The following LRRC4C variants were observed in gnomAD, a reference collection of about 807,000 sequenced individuals.
LRRC4C encodes leucine rich repeat containing 4C.
LRRC4C carries 5 observed loss-of-function variants against 33.6 expected under a neutral mutation model. That is an observed-to-expected ratio of 0.15 (90% CI 0.08 to 0.31). The LOEUF (loss-of-function observed/expected upper bound fraction) is 0.31. LRRC4C is among the 10% of genes least tolerant of loss of function. The probability of loss-of-function intolerance (pLI) is 1.00; values close to 1 mark genes in which losing one functional copy is unlikely to be tolerated. For synonymous variants in LRRC4C, 329 were observed against 302.0 expected, an observed-to-expected ratio of 1.09 and a Z score of -0.93; for missense variants, 560 against 796.7, an observed-to-expected ratio of 0.70 and a Z score of 3.58.
intron 2 of LRRC4C, among the ~76,000 whole-genome samples, chr11:40,897,060 T>C (rs565558934): frequency 5.2e-4 from 79 of 152,314 alleles, no homozygotes; most frequent in African/African-American, 1.8e-3. Flanking sequence ...AATATGTATG[T>C]TTATAACAAA....
chr11:41,182,917 G>A lies in LRRC4C; in HGVS notation c.-495-249194C>T, dbSNP rs561197708. 1.2e-4 allele frequency among the ~76,000 whole-genome samples: 18 copies of A among 151,802 alleles called. No individual in the cohort carries two copies. In the South Asian group the frequency reaches 3.6e-3, roughly 30 times the overall value. ...CTGGGGAGGCCTCACAATCATGGGG[G>A]AAGGCAAGGAGGAGCAAATCACATC... On this transcript the variant is annotated intron_variant, in intron 1 of 6. Coordinates refer to ENST00000528697, the MANE Select transcript of LRRC4C (RefSeq NM_001258419.2).
intron 1 of LRRC4C, among the ~76,000 whole-genome samples, chr11:40,963,509 T>G (rs1592201830): frequency 6.6e-6 from 1 of 151,726 alleles, no homozygotes; most frequent in Admixed American, 6.6e-5. Flanking sequence ...AGCTTTGAAT[T>G]TCAACAACAA....
chr11:40,295,308 AT>A (rs1944454281), intron 4 of LRRC4C, among the ~76,000 whole-genome samples: 1 of 152,150 alleles, frequency 6.6e-6, no homozygotes, highest in African/African-American at 2.4e-5. Flanking sequence ...AGGAATGATA[AT>A]TTAAACAGTA....
chr11:40,682,895 A>T (rs968040584), intron 2 of LRRC4C, among the ~76,000 whole-genome samples: 8 of 152,224 alleles, frequency 5.3e-5, no homozygotes, highest in Non-Finnish European at 7.3e-5. Flanking sequence ...TCTAGATAGG[A>T]TGGAGAATTA....
At chr11:40,149,609 T>G (rs1268033206) in intron 5 of LRRC4C, among the ~76,000 whole-genome samples, 1 of 152,188 alleles carries the variant, frequency 6.6e-6, no homozygotes, top group Non-Finnish European at 1.5e-5. Flanking sequence ...GCTTTCCAGA[T>G]ACAGGATCAT....
intron 3 of LRRC4C, among the ~76,000 whole-genome samples, chr11:40,339,041 C>A (rs1056858212): frequency 2.0e-5 from 3 of 152,144 alleles, no homozygotes; most frequent in East Asian, 1.9e-4. Flanking sequence ...GTTTTCACAC[C>A]TTTTCCTCCT....
rs117456445 is a variant in LRRC4C at position 40,607,132 on chromosome 11, G to A, written c.-270+41010C>T. On this transcript the variant is annotated intron_variant, in intron 3 of 6. Transcript: ENST00000528697. ...CAAATCATCCTTCAAAAATGAAGGC[G>A]AAATACGATTTTCCCATGTAAACAA... Among the ~76,000 whole-genome samples the A allele has an allele frequency of 5.5e-3, 831 of 152,220 alleles. 2 individuals carry two copies. The highest frequency in any genetic ancestry group is 8.3e-3 in the Non-Finnish European group (565 of 67,998).
chr11:40,194,579 A>G (rs1046904172), intron 5 of LRRC4C, among the ~76,000 whole-genome samples: 2 of 149,476 alleles, frequency 1.3e-5, no homozygotes, highest in Admixed American at 6.7e-5. Flanking sequence ...ATGAGAACAT[A>G]TGGGCACAGT....
At chr11:40,711,599 G>A (rs1358420128) in intron 2 of LRRC4C, among the ~76,000 whole-genome samples, 2 of 151,910 alleles carry the variant, frequency 1.3e-5, no homozygotes, top group African/African-American at 4.8e-5. Flanking sequence ...GGATATAAAA[G>A]TGAATAGTTT....
At chr11:40,744,404 A>G (rs1948314753) in intron 2 of LRRC4C, among the ~76,000 whole-genome samples, 1 of 152,206 alleles carries the variant, frequency 6.6e-6, no homozygotes. Context: ...AGGCAGATGC[A>G]ACAGTAAATG....
At chr11:40,521,387 T>C (rs1157908780) in intron 3 of LRRC4C, among the ~76,000 whole-genome samples, 2 of 152,200 alleles carry the variant, frequency 1.3e-5, no homozygotes, top group Admixed American at 1.3e-4. Context: ...TTTATAGCAA[T>C]CAGCTTTTTT....
intron 5 of LRRC4C, among the ~76,000 whole-genome samples, chr11:40,219,920 A>C (rs1864279967): frequency 1.3e-5 from 2 of 152,228 alleles, no homozygotes; most frequent in Admixed American, 1.3e-4. Context: ...ATGGGTAACT[A>C]TGTGAGCTAA....
At chr11:40,973,757 G>T (rs563504314) in intron 1 of LRRC4C, among the ~76,000 whole-genome samples, 1 of 152,026 alleles carries the variant, frequency 6.6e-6, no homozygotes, top group Admixed American at 6.6e-5. Flanking sequence ...TAACTAGACT[G>T]GTTTTTAATT....
intron 1 of LRRC4C, among the ~76,000 whole-genome samples, chr11:41,100,718 G>A (rs895871532): frequency 1.6e-4 from 24 of 152,036 alleles, no homozygotes; most frequent in African/African-American, 5.6e-4. Context: ...AACCAAAAAG[G>A]AGCATGAATA....
chr11:41,251,608 T>G (rs1412348703), intron 1 of LRRC4C, among the ~76,000 whole-genome samples: 1 of 152,208 alleles, frequency 6.6e-6, no homozygotes, highest in Non-Finnish European at 1.5e-5. Flanking sequence ...TGATCACATT[T>G]TGTAGGGAGC....
intron 3 of LRRC4C, among the ~76,000 whole-genome samples, chr11:40,424,511 A>C (rs80205179): frequency 0.037 from 5,575 of 152,288 alleles, 345 homozygotes; most frequent in African/African-American, 0.13. Context: ...ATAGTAAAAA[A>C]GTTTTTAAAA....
At chr11:41,450,183 T>C (rs1955972964) in intron 1 of LRRC4C, among the ~76,000 whole-genome samples, 1 of 152,108 alleles carries the variant, frequency 6.6e-6, no homozygotes, top group South Asian at 2.1e-4. Flanking sequence ...CTAGAGATGC[T>C]TGGACCATCT....
At chr11:40,460,272 C>A (rs1005604069) in intron 3 of LRRC4C, among the ~76,000 whole-genome samples, 2 of 151,956 alleles carry the variant, frequency 1.3e-5, no homozygotes, top group Non-Finnish European at 2.9e-5. Flanking sequence ...TACTACAGAA[C>A]CTAACATTTG....
At chr11:40,844,170 T>G (rs1411591598) in intron 2 of LRRC4C, among the ~76,000 whole-genome samples, 1 of 152,114 alleles carries the variant, frequency 6.6e-6, no homozygotes, top group Admixed American at 6.6e-5. Flanking sequence ...TACAGTCATG[T>G]TGGCACATGT....
Sources: gnomAD v4.1 joint callset for allele counts (sites outside exome capture counted in the v4.1 genomes callset) on GRCh38, gnomAD v4.1.1 for gene constraint, MANE v1.5 for transcripts, NCBI Gene and HGNC (gene_info 2026-07-23, HGNC 2026-07-21) for gene names.